CDHR3: variants seen among roughly 807,000 people sequenced by gnomAD.
CDHR3 encodes the protein cadherin-related family member 3.
CDHR3 carries 79 observed loss-of-function variants against 86.6 expected under a neutral mutation model. The observed-to-expected ratio is 0.91, with a 90% CI of 0.76 to 1.10. The LOEUF (loss-of-function observed/expected upper bound fraction) is 1.10, where lower values mean the gene tolerates loss of function less well. CDHR3 is among the 50% of genes least tolerant of loss of function. The pLI is 0.00. For synonymous variants in CDHR3, 421 were observed against 402.4 expected (o/e 1.05, Z -0.55); for missense variants, 1,081 against 1,077.6 (o/e 1.00, Z -0.04).
At chr7:105,964,255 T>C (rs1023649996) in intron 1 of CDHR3, among the ~76,000 whole-genome samples, 3 of 152,162 alleles carry the variant, frequency 2.0e-5, no homozygotes, top group African/African-American at 7.2e-5. Context: ...TCTAGTTCTT[T>C]TACTTTTTCT....
chr7:105,986,370 CAG>C (rs1830526994), intron 4 of CDHR3, among the ~76,000 whole-genome samples: 1 of 152,144 alleles, frequency 6.6e-6, no homozygotes, highest in Non-Finnish European at 1.5e-5. Context: ...ACTTTGGAAA[CAG>C]AGATGAGTAG....
chr7:105,983,570 C>T (rs1051976539), intron 3 of CDHR3, among the ~76,000 whole-genome samples: 2 of 152,086 alleles, frequency 1.3e-5, no homozygotes, highest in African/African-American at 2.4e-5. Context: ...AAAAAATGCC[C>T]GAGTGAGAGC....
intron 1 of CDHR3, among the ~76,000 whole-genome samples, chr7:105,970,682 T>C (rs1038040968): frequency 1.3e-5 from 2 of 152,220 alleles, no homozygotes; most frequent in South Asian, 4.1e-4. Flanking sequence ...CTTACCTGTA[T>C]AACAGATGGG....
intron 3 of CDHR3, among the ~76,000 whole-genome samples, chr7:105,982,358 A>G (rs948617943): frequency 2.3e-4 from 35 of 150,264 alleles, no homozygotes; most frequent in African/African-American, 8.4e-4. Flanking sequence ...AGTCCCAGCT[A>G]CTCAGGAGGC....
At chr7:106,019,277 G>A (rs914049206) in intron 12 of CDHR3, among the ~76,000 whole-genome samples, 1 of 152,054 alleles carries the variant, frequency 6.6e-6, no homozygotes, top group Admixed American at 6.6e-5. Context: ...TGAATAGTCC[G>A]CTTCCTCCGA....
chr7:105,981,158 G>A (rs753372324), intron 3 of CDHR3, 25 bp downstream of exon 3: 1 of 1,607,180 alleles, frequency 6.2e-7, no homozygotes, highest in Non-Finnish European at 8.5e-7. Context: ...GATGTGCACT[G>A]CAGCCCAGAC....
rs1838603782 is a variant in CDHR3 at position 106,032,998 on chromosome 7, T to G, written c.*301T>G. On this transcript the variant is annotated 3_prime_UTR_variant, in exon 19 of 19. Transcript: ENST00000317716. ...TGTTGTGTTTCTTCTTTGCATTGAC[T>G]GCTAGGAAGCTCTATTCTGTTCACC... 1 of 362,214 alleles carries G rather than the reference T, an allele frequency of 2.8e-6. No homozygotes were observed. The highest frequency in any genetic ancestry group is 4.2e-5 in the Admixed American group (1 of 24,052). The allele number at this position is 362,214 out of a possible 1,614,324, so 22.4% of individuals were successfully genotyped here.
chr7:106,007,396 A>G (rs868751580), intron 8 of CDHR3, among the ~76,000 whole-genome samples: 14 of 152,272 alleles, frequency 9.2e-5, no homozygotes, highest in Middle Eastern at 3.2e-3. Flanking sequence ...GTCAGGCTGC[A>G]AAATTTCCAA....
intron 4 of CDHR3, among the ~76,000 whole-genome samples, chr7:105,985,056 C>G (rs1017860100): frequency 1.9e-5 from 1 of 53,128 alleles, no homozygotes; most frequent in African/African-American, 4.5e-5. Flanking sequence ...AAGACCCTGT[C>G]TCAAAAAAAA....
chr7:105,967,229 G>A (rs1827108105), intron 1 of CDHR3, among the ~76,000 whole-genome samples: 1 of 152,160 alleles, frequency 6.6e-6, no homozygotes, highest in African/African-American at 2.4e-5. Context: ...CCTTGCGATA[G>A]TTTGCTAAGA....
chr7:106,028,934 T>C (rs574887662), intron 17 of CDHR3, among the ~76,000 whole-genome samples: 26 of 112,142 alleles, frequency 2.3e-4, no homozygotes, highest in Non-Finnish European at 4.5e-4. Flanking sequence ...CTTTCTTTCT[T>C]TCTTTCTTTC....
At chr7:105,984,993 A>G (rs1286731452) in intron 4 of CDHR3, among the ~76,000 whole-genome samples, 2 of 151,522 alleles carry the variant, frequency 1.3e-5, no homozygotes, top group African/African-American at 4.9e-5. Context: ...TAGGAGTTTG[A>G]GACTACAGTG....
At chr7:106,013,960 A>G (rs1835190107) in intron 9 of CDHR3, among the ~76,000 whole-genome samples, 1 of 151,670 alleles carries the variant, frequency 6.6e-6, no homozygotes, top group Non-Finnish European at 1.5e-5. Context: ...GGTATTTTTT[A>G]TTTTTATTAT....
chr7:105,980,606 A>AT (rs1829535533), intron 2 of CDHR3, among the ~76,000 whole-genome samples: 1 of 30,116 alleles, frequency 3.3e-5, no homozygotes. Context: ...TTTTTTTTTT[A>AT]ATTTTTTTTT....
In CDHR3 at chr7:105,975,014, A is replaced by C; in HGVS notation, c.217A>C (p.Arg73=). The change falls in exon 2 of 19, where the codon AGG becomes CGG. Residue 73 remains arginine, a synonymous_variant. Transcript: ENST00000317716. The stretch of plus-strand genomic sequence containing the variant: ...CTCAAATCCCCTCACTGAAGCTTTT[A>C]GGGTGAATTGGCTGTCAGGCACCTA... ...VNSNPLTEAF[R]VNWLSGTYFE... is the part of the protein sequence containing the mutation. 6.2e-7 allele frequency: 1 copy of C among 1,613,964 alleles called. No individual in the cohort carries two copies. Among genetic ancestry groups the C allele is most frequent in the Non-Finnish European group, 8.5e-7 (1 of 1,179,848 alleles).
At chr7:105,990,201 A>C (rs1319799017) in intron 4 of CDHR3, among the ~76,000 whole-genome samples, 1 of 152,206 alleles carries the variant, frequency 6.6e-6, no homozygotes, top group East Asian at 1.9e-4. Context: ...TAGGATCTGC[A>C]GCTTTATCGG....
chr7:105,983,339 C>T (rs186225168), intron 3 of CDHR3, among the ~76,000 whole-genome samples: 7 of 152,258 alleles, frequency 4.6e-5, no homozygotes, highest in Non-Finnish European at 7.4e-5. Context: ...ATTTTAATTT[C>T]GATTCTATCA....
At chr7:105,978,183 A>G (rs1482097801) in intron 2 of CDHR3, among the ~76,000 whole-genome samples, 3 of 152,296 alleles carry the variant, frequency 2.0e-5, no homozygotes, top group Non-Finnish European at 4.4e-5. Flanking sequence ...CTGGTTTGCT[A>G]CTGCCCAGCA....
At chr7:105,963,420 C>T (rs1826341480) in intron 1 of CDHR3, 56 bp downstream of exon 1, 1 of 1,546,772 alleles carries the variant, frequency 6.5e-7, no homozygotes, top group Admixed American at 1.7e-5. Flanking sequence ...TGCATAATAC[C>T]ATTGAATGAC....
Sources: gnomAD v4.1 joint callset for allele counts (sites outside exome capture counted in the v4.1 genomes callset) on GRCh38, gnomAD v4.1.1 for gene constraint, MANE v1.5 for transcripts, NCBI Gene and HGNC (gene_info 2026-07-23, HGNC 2026-07-21) for gene names.